VWC2: variants seen among roughly 807,000 people sequenced by gnomAD.
VWC2 encodes the protein von Willebrand factor C domain containing 2, also known as brorin.
In VWC2, 14 loss-of-function variants were observed where a neutral mutation model predicts 29.8. The ratio of observed to expected loss-of-function variants is 0.47; its 90% confidence interval spans 0.31 to 0.74. The LOEUF (loss-of-function observed/expected upper bound fraction) is 0.74, where lower values mean the gene tolerates loss of function less well. Ranked by LOEUF, VWC2 falls within the 30% of genes least tolerant of loss-of-function variation. The pLI is 0.05. For missense variants in VWC2, 457 were observed against 459.8 expected, an observed-to-expected ratio of 0.99 and a Z score of 0.05; for synonymous variants, 213 against 199.0, an observed-to-expected ratio of 1.07 and a Z score of -0.59.
At chr7:49,854,167 A>G (rs1223065339) in intron 3 of VWC2, among the ~76,000 whole-genome samples, 3 of 152,106 alleles carry the variant, frequency 2.0e-5, no homozygotes, top group Non-Finnish European at 2.9e-5. Context: ...TAGTGCCGCA[A>G]TAAGCATACA....
chr7:49,883,799 T>A (rs942415865), intron 3 of VWC2, among the ~76,000 whole-genome samples: 2 of 152,220 alleles, frequency 1.3e-5, no homozygotes, highest in Admixed American at 1.3e-4. Flanking sequence ...AAGTATCAGT[T>A]AAAATCAATG....
intron 3 of VWC2, among the ~76,000 whole-genome samples, chr7:49,836,464 G>GGA (rs1789661116): frequency 8.5e-6 from 1 of 117,764 alleles, no homozygotes; most frequent in Non-Finnish European, 1.7e-5. Flanking sequence ...CTCTGTCTCT[G>GGA]AAAAAAAAAA....
At chr7:49,799,494 C>T (rs559135408) in intron 2 of VWC2, among the ~76,000 whole-genome samples, 2 of 152,372 alleles carry the variant, frequency 1.3e-5, no homozygotes, top group Admixed American at 1.3e-4. Flanking sequence ...ACCAGCCTCA[C>T]TTCCTCTGGG....
In VWC2 at chr7:49,920,653, T is replaced by C. The variant is rs1793977815; in HGVS notation, c.*8468T>C. On this transcript the variant is annotated 3_prime_UTR_variant, in exon 4 of 4. Coordinates refer to ENST00000340652, the MANE Select transcript of VWC2 (RefSeq NM_198570.5). ...TACGGCTACATAAAGTTCACAACTA[T>C]TTGCACATAGCTATAAATATAGCAT... 6.6e-6 allele frequency: 1 copy of C among 152,196 alleles called. No individual in the cohort carries two copies. The highest frequency in any genetic ancestry group is 6.5e-5 in the Admixed American group (1 of 15,272). The allele number at this position is 152,196 out of a possible 1,614,324, so 9.4% of individuals were successfully genotyped here.
intron 3 of VWC2, among the ~76,000 whole-genome samples, chr7:49,842,292 T>C (rs1359913472): frequency 6.6e-6 from 1 of 152,214 alleles, no homozygotes; most frequent in Non-Finnish European, 1.5e-5. Context: ...TGAGAGATGT[T>C]ATCATTCAGG....
intron 3 of VWC2, among the ~76,000 whole-genome samples, chr7:49,888,927 A>G (rs935522495): frequency 2.0e-5 from 3 of 152,022 alleles, no homozygotes; most frequent in African/African-American, 7.3e-5. Flanking sequence ...AAACAAAAAC[A>G]AAAACAAAAA....
Position 49,775,938 on chromosome 7 carries a change from A to G in VWC2, c.503A>G (p.Lys168Arg). 3 of 1,554,950 alleles carry G rather than the reference A, an allele frequency of 1.9e-6. No individual in the cohort carries two copies. Among genetic ancestry groups the G allele is most frequent in the Non-Finnish European group, 1.7e-6 (2 of 1,151,520 alleles). The change falls in exon 2 of 4, where the codon AAG becomes AGG. Residue 168 changes from lysine (K) to arginine (R), a missense_variant. Around this residue, in one of 2 missense-constraint regions of VWC2, gnomAD observed 185 missense variants for 257.1 expected, o/e 0.72. Coordinates refer to ENST00000340652, the MANE Select transcript of VWC2 (RefSeq NM_198570.5). ...ESGFVYAIGE[K>R]FAPGPSACPC... The stretch of plus-strand genomic sequence containing the variant: ...GGCTTCGTGTACGCGATCGGGGAGA[A>G]GTTCGCGCCGGGCCCCTCGGCCTGC...
At chr7:49,829,459 C>T (rs531316155) in intron 3 of VWC2, among the ~76,000 whole-genome samples, 1 of 152,308 alleles carries the variant, frequency 6.6e-6, no homozygotes, top group African/African-American at 2.4e-5. Context: ...ATAGCACCCC[C>T]GGTTAAGATT....
intron 3 of VWC2, among the ~76,000 whole-genome samples, chr7:49,824,017 G>A (rs1789331351): frequency 1.3e-5 from 2 of 151,752 alleles, no homozygotes; most frequent in Admixed American, 6.6e-5. Flanking sequence ...CCTTCATCTA[G>A]TATATGTGTA....
At chr7:49,852,908 C>T (rs1244263692) in intron 3 of VWC2, among the ~76,000 whole-genome samples, 1 of 152,224 alleles carries the variant, frequency 6.6e-6, no homozygotes, top group Non-Finnish European at 1.5e-5. Context: ...ACTCTGTGGA[C>T]TTGGGTAACT....
At chr7:49,808,138 C>G (rs1426714624) in intron 3 of VWC2, among the ~76,000 whole-genome samples, 1 of 152,036 alleles carries the variant, frequency 6.6e-6, no homozygotes, top group Non-Finnish European at 1.5e-5. Context: ...ACTTCCTGTT[C>G]TGCTGGAATT....
At chr7:49,827,242 A>G (rs181933026) in intron 3 of VWC2, among the ~76,000 whole-genome samples, 201 of 152,100 alleles carry the variant, frequency 1.3e-3, no homozygotes, top group African/African-American at 4.5e-3. Context: ...TCTAGTTTTT[A>G]TTGTCAATTC....
chr7:49,880,854 A>T (rs1031334493), intron 3 of VWC2, among the ~76,000 whole-genome samples: 3 of 152,120 alleles, frequency 2.0e-5, no homozygotes, highest in Non-Finnish European at 4.4e-5. Context: ...TTTGCCTATG[A>T]CATGGAATAC....
At chr7:49,856,236 G>A (rs922703722) in intron 3 of VWC2, among the ~76,000 whole-genome samples, 2 of 152,162 alleles carry the variant, frequency 1.3e-5, no homozygotes, top group African/African-American at 4.8e-5. Context: ...TCATGAGGGT[G>A]GATTCTGCAT....
At chr7:49,908,963 G>A (rs1443293693) in intron 3 of VWC2, among the ~76,000 whole-genome samples, 1 of 152,198 alleles carries the variant, frequency 6.6e-6, no homozygotes. Flanking sequence ...CTCATTACAA[G>A]TGACTGTTGC....
chr7:49,826,185 T>C (rs1295694561), intron 3 of VWC2, among the ~76,000 whole-genome samples: 2 of 152,204 alleles, frequency 1.3e-5, no homozygotes, highest in African/African-American at 4.8e-5. Flanking sequence ...AATTATTCCT[T>C]CTGTCTGGTT....
chr7:49,824,405 C>A (rs1005613734), intron 3 of VWC2, among the ~76,000 whole-genome samples: 1 of 152,150 alleles, frequency 6.6e-6, no homozygotes, highest in African/African-American at 2.4e-5. Flanking sequence ...GGACCTTTTT[C>A]CAAACCATTT....
intron 3 of VWC2, among the ~76,000 whole-genome samples, chr7:49,875,395 A>AAAAC (rs1562746141): frequency 2.7e-5 from 4 of 149,490 alleles, no homozygotes; most frequent in African/African-American, 9.9e-5. Context: ...AAAAAAAAAA[A>AAAAC]AACAGGAATA....
Position 49,917,633 on chromosome 7 carries a change from G to A in VWC2, c.*5448G>A, listed in dbSNP as rs1046952511. 2 of 151,900 alleles carry A rather than the reference G, an allele frequency of 1.3e-5. No individual in the cohort carries two copies. Among genetic ancestry groups the A allele is most frequent in the African/African-American group, 2.4e-5 (1 of 41,364 alleles). 9.4% of individuals were successfully genotyped at this position (151,900 alleles called of 1,614,324 possible). ...GACTAAACACAATTGCAAATATTGCGACTTTAGTTTTTAATTCAATTTTCA... is the reference window on the plus strand; with the variant it reads ...GACTAAACACAATTGCAAATATTGCAACTTTAGTTTTTAATTCAATTTTCA... On this transcript the variant is annotated 3_prime_UTR_variant, in exon 4 of 4. Coordinates refer to ENST00000340652, the MANE Select transcript of VWC2 (RefSeq NM_198570.5).
Sources: allele counts gnomAD v4.1 joint callset (sites outside exome capture counted in the v4.1 genomes callset), GRCh38; gene constraint gnomAD v4.1.1; regional missense constraint gnomAD v4.1.1; transcripts MANE v1.5; gene names NCBI Gene and HGNC (gene_info 2026-07-23, HGNC 2026-07-21).